Variants in MAP7 observed in about 807,000 individuals in gnomAD.
MAP7 encodes microtubule associated protein 7.
MAP7 carries 52 observed loss-of-function variants against 94.8 expected under a neutral mutation model. The observed-to-expected ratio is 0.55, with a 90% CI of 0.44 to 0.69. The LOEUF is 0.69. MAP7 is among the 30% of genes least tolerant of loss of function. The pLI is 0.00. For missense variants in MAP7, 940 were observed against 964.6 expected (o/e 0.97, Z 0.34); for synonymous variants, 350 against 357.0 (o/e 0.98, Z 0.22).
At chr6:136,370,251 T>C (rs1263440484) in intron 8 of MAP7, among the ~76,000 whole-genome samples, 1 of 152,162 alleles carries the variant, frequency 6.6e-6, no homozygotes, top group African/African-American at 2.4e-5. Context: ...GTGGCTGTTA[T>C]CAAAAAACAA....
intron 4 of MAP7, 77 bp from the exon 5 acceptor site, chr6:136,388,587 G>A: frequency 9.0e-7 from 1 of 1,115,668 alleles, no homozygotes. Flanking sequence ...GCAGAATGGA[G>A]TGAGGAGTAC....
chr6:136,379,634 A>G (rs1777183106), intron 6 of MAP7, among the ~76,000 whole-genome samples: 1 of 152,238 alleles, frequency 6.6e-6, no homozygotes. Context: ...GAAGAAAGTT[A>G]AACTCTTCCT....
intron 10 of MAP7, among the ~76,000 whole-genome samples, chr6:136,362,926 C>T (rs1793264545): frequency 6.6e-6 from 1 of 152,194 alleles, no homozygotes; most frequent in Non-Finnish European, 1.5e-5. Flanking sequence ...AGCTGACACT[C>T]TGTCACCAAG....
At chr6:136,466,632 TAGA>T (rs1460584057) in intron 1 of MAP7, 9 of 771,204 alleles carry the variant, frequency 1.2e-5, no homozygotes, top group African/African-American at 1.7e-5. Flanking sequence ...AAAAAAAGAT[TAGA>T]AGATTTCCTA....
chr6:136,431,030 C>T (rs946262310), intron 1 of MAP7, among the ~76,000 whole-genome samples: 3 of 152,154 alleles, frequency 2.0e-5, no homozygotes, highest in South Asian at 2.1e-4. Flanking sequence ...CCACGCTTGA[C>T]GATGCACTTT....
chr6:136,542,828 C>A (rs1290455269), intron 1 of MAP7, among the ~76,000 whole-genome samples: 1 of 152,142 alleles, frequency 6.6e-6, no homozygotes, highest in African/African-American at 2.4e-5. Context: ...ACACCACCTC[C>A]AGGCTTTCCT....
At position 136,344,254 on chromosome 6, in the gene MAP7, G is replaced by T. The variant is rs756660435; in HGVS notation, c.2240-16C>A. 6.2e-6 allele frequency: 8 copies of T among 1,299,524 alleles called. No homozygotes were observed. Among genetic ancestry groups the T allele is most frequent in the Non-Finnish European group, 8.2e-6 (8 of 970,944 alleles). The allele number at this position is 1,299,524 out of a possible 1,614,324, so 80.5% of individuals were successfully genotyped here. ...CATATAACTTCTACATGAAGAGACA[G>T]AAAAAGAACAAGATTAATATGACAT... On this transcript the variant is annotated splice_polypyrimidine_tract_variant and intron_variant, in intron 17 of 17. Coordinates refer to ENST00000354570, the MANE Select transcript of MAP7 (RefSeq NM_003980.6).
At chr6:136,540,901 T>C (rs971280012) in intron 1 of MAP7, among the ~76,000 whole-genome samples, 2 of 152,166 alleles carry the variant, frequency 1.3e-5, no homozygotes, top group Non-Finnish European at 2.9e-5. Flanking sequence ...CTGCCAAGAT[T>C]GAGAGCCAAT....
chr6:136,427,300 A>T (rs1453431313), intron 1 of MAP7, among the ~76,000 whole-genome samples: 1 of 152,238 alleles, frequency 6.6e-6, no homozygotes. Flanking sequence ...GTTGGGAAAT[A>T]GGTAGGGCAT....
chr6:136,501,538 T>C (rs373100661), intron 1 of MAP7, among the ~76,000 whole-genome samples: 1 of 152,324 alleles, frequency 6.6e-6, no homozygotes. Flanking sequence ...TAACTAAATA[T>C]TATAATGCTG....
chr6:136,537,217 A>C (rs1413257048), intron 1 of MAP7, among the ~76,000 whole-genome samples: 2 of 151,980 alleles, frequency 1.3e-5, no homozygotes, highest in Non-Finnish European at 2.9e-5. Context: ...ATCAGTTTGT[A>C]AATAAGTTGA....
intron 1 of MAP7, among the ~76,000 whole-genome samples, chr6:136,494,311 T>C (rs1438970493): frequency 6.6e-6 from 1 of 152,222 alleles, no homozygotes; most frequent in East Asian, 1.9e-4. Context: ...GTAACAGATT[T>C]GGTGGCAGTT....
chr6:136,401,583 A>G (rs1784093169), intron 3 of MAP7, among the ~76,000 whole-genome samples: 1 of 152,158 alleles, frequency 6.6e-6, no homozygotes, highest in Admixed American at 6.5e-5. Flanking sequence ...CTGAACAATG[A>G]GAACACTTGG....
chr6:136,434,650 C>T lies in MAP7; in HGVS notation c.68-12851G>A, dbSNP rs574762144. Among the ~76,000 whole-genome samples the T allele has an allele frequency of 9.8e-4, 144 of 146,904 alleles. No individual in the cohort carries two copies. The Middle Eastern group carries it at 0.014, about 14-fold the overall frequency. ...TCTCTAATTTGCCACATCAATATGTCCCCAAATAAGGGATCTCAAATTTTG... is the reference window on the plus strand; with the variant it reads ...TCTCTAATTTGCCACATCAATATGTTCCCAAATAAGGGATCTCAAATTTTG... On this transcript the variant is annotated intron_variant, in intron 1 of 17. Coordinates refer to ENST00000354570, the MANE Select transcript of MAP7 (RefSeq NM_003980.6).
chr6:136,504,686 T>A (rs1473987874), intron 1 of MAP7, among the ~76,000 whole-genome samples: 2 of 151,796 alleles, frequency 1.3e-5, no homozygotes, highest in Non-Finnish European at 2.9e-5. Flanking sequence ...TATTTACCTT[T>A]AAAAAAATTT....
At chr6:136,382,774 C>T (rs963197593) in intron 6 of MAP7, among the ~76,000 whole-genome samples, 21 of 152,106 alleles carry the variant, frequency 1.4e-4, no homozygotes, top group Non-Finnish European at 4.4e-5. Flanking sequence ...GCACACATTA[C>T]ATTTTTTAAA....
chr6:136,382,713 A>G (rs899565234), intron 6 of MAP7, among the ~76,000 whole-genome samples: 1 of 152,182 alleles, frequency 6.6e-6, no homozygotes, highest in African/African-American at 2.4e-5. Context: ...TGACACCATA[A>G]CTTTTATACA....
chr6:136,499,067 G>A (rs1022923637), intron 1 of MAP7, among the ~76,000 whole-genome samples: 5 of 151,938 alleles, frequency 3.3e-5, no homozygotes, highest in South Asian at 2.1e-4. Context: ...TTACAAGTAC[G>A]CACCACTACG....
At chr6:136,429,966 T>C (rs150172883) in intron 1 of MAP7, among the ~76,000 whole-genome samples, 21 of 152,260 alleles carry the variant, frequency 1.4e-4, no homozygotes, top group African/African-American at 5.1e-4. Flanking sequence ...CCCCACAACA[T>C]GAATAATGTT....
Sources: allele counts gnomAD v4.1 joint callset (sites outside exome capture counted in the v4.1 genomes callset), GRCh38; gene constraint gnomAD v4.1.1; transcripts MANE v1.5; gene names NCBI Gene and HGNC (gene_info 2026-07-23, HGNC 2026-07-21).